Variants in CLASP1 observed in about 807,000 individuals in gnomAD.
The protein encoded by CLASP1 is cytoplasmic linker associated protein 1.
CLASP1 carries 38 observed loss-of-function variants against 192.3 expected under a neutral mutation model. The ratio of observed to expected loss-of-function variants is 0.20; its 90% confidence interval spans 0.15 to 0.26. The LOEUF (loss-of-function observed/expected upper bound fraction) is 0.26. Ranked by LOEUF, CLASP1 falls within the 10% of genes least tolerant of loss-of-function variation. The pLI, the probability that CLASP1 is intolerant of heterozygous loss-of-function variation, is 1.00. For synonymous variants in CLASP1, 691 were observed against 712.8 expected, an observed-to-expected ratio of 0.97 and a Z score of 0.49; for missense variants, 1,433 against 1,932.5, an observed-to-expected ratio of 0.74 and a Z score of 4.85.
At chr2:121,558,031 G>T (rs186005465) in intron 2 of CLASP1, among the ~76,000 whole-genome samples, 113 of 148,046 alleles carry the variant, frequency 7.6e-4, no homozygotes, top group African/African-American at 2.7e-3. Flanking sequence ...AGTGAGCCGA[G>T]ATTGCACCAC....
chr2:121,607,107 C>T (rs1576416173), intron 1 of CLASP1, among the ~76,000 whole-genome samples: 1 of 151,352 alleles, frequency 6.6e-6, no homozygotes, highest in East Asian at 2.0e-4. Context: ...TTTGGGAGGC[C>T]GAGGTGGGCG....
At chr2:121,367,511 G>A (rs1371394249) in intron 35 of CLASP1, 77 bp downstream of exon 36, 2 of 1,571,908 alleles carry the variant, frequency 1.3e-6, no homozygotes, top group Non-Finnish European at 1.7e-6. Flanking sequence ...TGACCAGTGG[G>A]CCTGGTGCTG....
At chr2:121,598,720 G>A (rs1019187706) in intron 2 of CLASP1, among the ~76,000 whole-genome samples, 7 of 152,138 alleles carry the variant, frequency 4.6e-5, no homozygotes, top group Non-Finnish European at 8.8e-5. Context: ...GACTACATGA[G>A]ATAAGACAGA....
intron 6 of CLASP1, among the ~76,000 whole-genome samples, chr2:121,521,960 G>C (rs974265290): frequency 2.6e-5 from 4 of 152,178 alleles, no homozygotes; most frequent in Non-Finnish European, 1.5e-5. Flanking sequence ...TCAGAGACTA[G>C]TAGGAAAGAT....
intron 1 of CLASP1, among the ~76,000 whole-genome samples, chr2:121,628,462 G>A (rs2068799844): frequency 6.6e-6 from 1 of 151,980 alleles, no homozygotes; most frequent in Non-Finnish European, 1.5e-5. Context: ...GATCACTTGA[G>A]GCTAGGAATT....
chr2:121,504,392 T>C (rs1226420368), intron 7 of CLASP1, among the ~76,000 whole-genome samples: 1 of 152,192 alleles, frequency 6.6e-6, no homozygotes, highest in East Asian at 1.9e-4. Flanking sequence ...TTCAAATATG[T>C]TTGCCTTTTC....
chr2:121,530,925 G>A lies in CLASP1; in HGVS notation c.196-600C>T, dbSNP rs1032667950. ...TGCGCTACTGTCCAATGAGCGCATAGTGAGGGCAGTACTGCTAACGCCTGA... is the reference window on the plus strand; with the variant it reads ...TGCGCTACTGTCCAATGAGCGCATAATGAGGGCAGTACTGCTAACGCCTGA... On this transcript the variant is annotated intron_variant, in intron 2 of 39. Coordinates refer to ENST00000263710, the Ensembl canonical transcript of CLASP1. 62 of 699,948 alleles carry A rather than the reference G, an allele frequency of 8.9e-5. No homozygotes were observed. Among genetic ancestry groups the A allele is most frequent in the Admixed American group, 2.0e-4 (10 of 49,988 alleles). The allele number at this position is 699,948 out of a possible 1,614,324, so 43.4% of individuals were successfully genotyped here.
At chr2:121,429,775 T>C (rs1414887806) in intron 20 of CLASP1, among the ~76,000 whole-genome samples, 1 of 152,106 alleles carries the variant, frequency 6.6e-6, no homozygotes, top group Non-Finnish European at 1.5e-5. Context: ...CAAAAATGAG[T>C]CACAGAACAG....
intron 34 of CLASP1, among the ~76,000 whole-genome samples, chr2:121,376,712 T>C (rs1228022184): frequency 6.6e-6 from 1 of 152,182 alleles, no homozygotes; most frequent in East Asian, 1.9e-4. Context: ...GAGTGAAGCT[T>C]CATCTTATTT....
chr2:121,376,483 G>A (rs2070175004), intron 34 of CLASP1, among the ~76,000 whole-genome samples: 1 of 114,716 alleles, frequency 8.7e-6, no homozygotes, highest in African/African-American at 3.4e-5. Context: ...TGAGCTCATA[G>A]AAGTAGACAG....
At chr2:121,611,428 G>C (rs560503225) in intron 1 of CLASP1, among the ~76,000 whole-genome samples, 1 of 144,442 alleles carries the variant, frequency 6.9e-6, no homozygotes, top group Admixed American at 6.8e-5. Context: ...GGAGAAAGAG[G>C]AACTGGAGGA....
In CLASP1 at chr2:121,403,729, G is replaced by T. The variant is rs1431613149; in HGVS notation, c.2733+642C>A. 1.1e-5 allele frequency: 5 copies of T among 463,742 alleles called. No individual in the cohort carries two copies. The Admixed American group carries it at 1.1e-4, about 11-fold the overall frequency. 28.7% of individuals were successfully genotyped at this position (463,742 alleles called of 1,614,324 possible). A position where few individuals can be genotyped will look rare whatever the true frequency, so the allele number is the denominator to read the frequency against. ...TCTCACGTCTTTTCCACCACCCCTG[G>T]AAAGTGTTCTGTCCCATACTCATGG... On this transcript the variant is annotated intron_variant, in intron 26 of 39. Transcript: ENST00000263710.
rs562729482 is a variant in CLASP1 at position 121,587,444 on chromosome 2, C to A, written c.195+18257G>T. Among the ~76,000 whole-genome samples the A allele has an allele frequency of 1.6e-3, 240 of 152,268 alleles. 2 individuals carry two copies. Among genetic ancestry groups the A allele is most frequent in the Non-Finnish European group, 2.8e-3 (189 of 68,036 alleles). On this transcript the variant is annotated intron_variant, in intron 2 of 39. Coordinates refer to ENST00000263710, the Ensembl canonical transcript of CLASP1. ...TTAATTTCCTTAACACCTCACCTCC[C>A]CTTCCCTTCTCATTTTAAAACCCCT...
chr2:121,625,358 C>T (rs949187926), intron 1 of CLASP1, among the ~76,000 whole-genome samples: 3 of 150,910 alleles, frequency 2.0e-5, no homozygotes, highest in African/African-American at 4.9e-5. Flanking sequence ...TGGTTTCTAA[C>T]GGTGAAATCC....
Position 121,647,039 on chromosome 2 carries a change from C to CA in CLASP1, c.-286+2332dup, listed in dbSNP as rs36066876. ...TGGGTAACATAGCGAGACTCCATCT[C>CA]AAAAAAAAAAAAAAAAAAAAATCTA... On this transcript the variant is annotated intron_variant, in intron 1 of 39. Transcript: ENST00000263710. Among the ~76,000 whole-genome samples the CA allele has an allele frequency of 7.7e-3, 550 of 71,462 alleles. 3 individuals carry two copies. Among genetic ancestry groups the CA allele is most frequent in the Non-Finnish European group, 9.4e-3 (304 of 32,464 alleles). 46.9% of individuals were successfully genotyped at this position (71,462 alleles called of 152,430 possible). A position where few individuals can be genotyped will look rare whatever the true frequency, so the allele number is the denominator to read the frequency against.
intron 37 of CLASP1, among the ~76,000 whole-genome samples, chr2:121,361,829 C>A (rs1291436258): frequency 2.6e-5 from 4 of 152,156 alleles, no homozygotes; most frequent in African/African-American, 9.7e-5. Context: ...TTATTATCAC[C>A]ATCATGCAAC....
chr2:121,633,005 T>TGC (rs2070048230), intron 1 of CLASP1, among the ~76,000 whole-genome samples: 1 of 137,600 alleles, frequency 7.3e-6, no homozygotes, highest in East Asian at 2.1e-4. Context: ...TGTATGTGTG[T>TGC]GCATATATAT....
intron 8 of CLASP1, among the ~76,000 whole-genome samples, chr2:121,477,947 T>C (rs1312866525): frequency 1.3e-5 from 2 of 152,200 alleles, no homozygotes; most frequent in African/African-American, 2.4e-5. Flanking sequence ...GCTTAGGAGG[T>C]GCTGGGCACT....
At chr2:121,393,382 G>A (rs552446710) in intron 30 of CLASP1, among the ~76,000 whole-genome samples, 1 of 152,218 alleles carries the variant, frequency 6.6e-6, no homozygotes, top group South Asian at 2.1e-4. Context: ...TGGAAATGAA[G>A]GATGAGGCAG....
Sources: allele counts gnomAD v4.1 joint callset (sites outside exome capture counted in the v4.1 genomes callset), GRCh38; gene constraint gnomAD v4.1.1; transcripts MANE v1.5; gene names NCBI Gene and HGNC (gene_info 2026-07-23, HGNC 2026-07-21).